The following MAN2A1 variants were observed in gnomAD, a reference collection of about 807,000 sequenced individuals.
MAN2A1 encodes alpha-mannosidase 2.
In MAN2A1, 76 loss-of-function variants were observed where a neutral mutation model predicts 142.6. The observed-to-expected ratio is 0.53, with a 90% CI of 0.44 to 0.65. MAN2A1 has a LOEUF of 0.65. Among genes scored for constraint, MAN2A1 ranks in the 30% least tolerant of loss-of-function variants. The pLI is 0.00. For missense variants in MAN2A1, 1,311 were observed against 1,365.1 expected (o/e 0.96, Z 0.62); for synonymous variants, 559 against 473.2 (o/e 1.18, Z -2.35).
At chr5:109,801,094 T>G (rs1442517731) in intron 12 of MAN2A1, among the ~76,000 whole-genome samples, 2 of 152,182 alleles carry the variant, frequency 1.3e-5, no homozygotes, top group African/African-American at 2.4e-5. Flanking sequence ...ACAGAAACCT[T>G]ATTACAATGG....
rs1382651989 is a variant in MAN2A1 at position 109,823,753 on chromosome 5, A to G, written c.2482A>G (p.Arg828Gly). The G allele has an allele frequency of 6.2e-7, 1 of 1,608,524 alleles. No individual in the cohort carries two copies. Among genetic ancestry groups the G allele is most frequent in the Non-Finnish European group, 8.5e-7 (1 of 1,177,120 alleles). Residue 828 changes from arginine to glycine, a missense_variant, in exon 16 of 22, where the codon AGA (arginine) becomes GGA (glycine). Physicochemically the swap from Arg to Gly is moderately radical, Grantham distance 125. Coordinates refer to ENST00000261483, the MANE Select transcript of MAN2A1 (RefSeq NM_002372.4). ...PYVYTTPPFVRVTHGRIYSEV... is the reference protein window; with the variant it reads ...PYVYTTPPFVGVTHGRIYSEV... ...TGTTTACACAACACCGCCCTTTGTC[A>G]GAGTGACACATGGAAGGATTTATTC...
chr5:109,763,765 G>A (rs899369109), intron 5 of MAN2A1, among the ~76,000 whole-genome samples: 2 of 150,896 alleles, frequency 1.3e-5, no homozygotes, highest in African/African-American at 4.9e-5. Context: ...GGCTATTAAT[G>A]TCTGCTTTTA....
intron 5 of MAN2A1, among the ~76,000 whole-genome samples, chr5:109,758,559 A>G (rs1752753387): frequency 1.3e-5 from 2 of 151,376 alleles, no homozygotes; most frequent in South Asian, 2.1e-4. Context: ...TTGATGCCAT[A>G]GTAAGAAACT....
At chr5:109,718,694 G>A (rs561739286) in intron 3 of MAN2A1, among the ~76,000 whole-genome samples, 6 of 152,196 alleles carry the variant, frequency 3.9e-5, no homozygotes, top group African/African-American at 1.4e-4. Flanking sequence ...ACGCCTCCAC[G>A]CTTGCAGGTC....
At chr5:109,746,483 T>C (rs1013357129) in intron 4 of MAN2A1, among the ~76,000 whole-genome samples, 1 of 152,114 alleles carries the variant, frequency 6.6e-6, no homozygotes, top group Non-Finnish European at 1.5e-5. Flanking sequence ...TTATTTATTT[T>C]ATGGATGTAT....
intron 3 of MAN2A1, among the ~76,000 whole-genome samples, chr5:109,721,343 A>G (rs956924290): frequency 6.6e-6 from 1 of 152,086 alleles, no homozygotes; most frequent in Non-Finnish European, 1.5e-5. Flanking sequence ...TAACACATTT[A>G]TCTGGACTTT....
intron 4 of MAN2A1, among the ~76,000 whole-genome samples, chr5:109,740,185 G>T (rs10039366): frequency 0.085 from 12,866 of 152,204 alleles, 636 homozygotes; most frequent in African/African-American, 0.15. Flanking sequence ...CGTCTCCTTA[G>T]TTCCTCTGTT....
intron 16 of MAN2A1, among the ~76,000 whole-genome samples, chr5:109,833,966 T>G (rs2112746563): frequency 6.6e-6 from 1 of 152,316 alleles, no homozygotes; most frequent in East Asian, 1.9e-4. Context: ...TGTTGAACTG[T>G]TTTTGTTCAG....
At chr5:109,750,399 A>AT (rs1382952048) in intron 4 of MAN2A1, among the ~76,000 whole-genome samples, 1 of 151,980 alleles carries the variant, frequency 6.6e-6, no homozygotes, top group East Asian at 1.9e-4. Context: ...TTGTGGATGG[A>AT]TTAGAGGGTA....
intron 4 of MAN2A1, among the ~76,000 whole-genome samples, chr5:109,731,517 C>T (rs933291482): frequency 9.6e-6 from 1 of 103,798 alleles, no homozygotes; most frequent in Non-Finnish European, 1.9e-5. Flanking sequence ...CCCCCTCCCC[C>T]AACCCCACAA....
At chr5:109,856,624 C>A (rs974829362) in intron 20 of MAN2A1, among the ~76,000 whole-genome samples, 1 of 152,186 alleles carries the variant, frequency 6.6e-6, no homozygotes, top group Non-Finnish European at 1.5e-5. Flanking sequence ...GACAGAATGG[C>A]CCCCTGGTTT....
At chr5:109,773,631 G>A (rs183666099) in intron 7 of MAN2A1, among the ~76,000 whole-genome samples, 159 of 152,086 alleles carry the variant, frequency 1.0e-3, no homozygotes, top group African/African-American at 2.2e-3. Context: ...ACATAAGGAC[G>A]CTGTGGTTAT....
At chr5:109,780,667 A>G (rs1753432674) in intron 8 of MAN2A1, among the ~76,000 whole-genome samples, 1 of 152,136 alleles carries the variant, frequency 6.6e-6, no homozygotes, top group Non-Finnish European at 1.5e-5. Flanking sequence ...AAGATTTGGT[A>G]TCGTGTTTCT....
At position 109,780,546 on chromosome 5, in the gene MAN2A1, G is replaced by GTGTGTGTGTA. The variant is rs1554078300; in HGVS notation, c.1375-847_1375-846insGTGTGTATGT. ...TGTGTGTGTGTGTGTGTGTGTGTGT[G>GTGTGTGTGTA]TGTATGTGTGTAGGAAACAACAAAA... On this transcript the variant is annotated intron_variant, in intron 8 of 21. Transcript: ENST00000261483. 2.9e-4 allele frequency among the ~76,000 whole-genome samples: 44 copies of GTGTGTGTGTA among 149,402 alleles called. 3 individuals carry two copies. The highest frequency in any genetic ancestry group is 1.0e-3 in the African/African-American group (40 of 40,026).
chr5:109,745,854 T>G (rs1029325967), intron 4 of MAN2A1, among the ~76,000 whole-genome samples: 1 of 152,228 alleles, frequency 6.6e-6, no homozygotes, highest in Admixed American at 6.5e-5. Context: ...TGGCCTGAGG[T>G]GATCCTCCTG....
intron 18 of MAN2A1, among the ~76,000 whole-genome samples, 189 bp from the exon 19 acceptor site, chr5:109,847,468 A>G (rs1031177247): frequency 1.3e-5 from 2 of 152,204 alleles, no homozygotes; most frequent in African/African-American, 4.8e-5. Flanking sequence ...TGTTTTATGA[A>G]TTTGTAGTAG....
chr5:109,726,906 T>G lies in MAN2A1; in HGVS notation c.536-2436T>G, dbSNP rs73217355. 9.9e-3 allele frequency among the ~76,000 whole-genome samples: 1,512 copies of G among 152,278 alleles called. 25 individuals are homozygous for G. Among genetic ancestry groups the G allele is most frequent in the Middle Eastern group, 0.037 (11 of 294 alleles). On this transcript the variant is annotated intron_variant, in intron 3 of 21. Transcript: ENST00000261483. ...AACCTTTAAATTTAGGTAAAAGATA[T>G]CATGTGATATCTTAAAGACGATAAT...
At chr5:109,831,505 AT>A (rs1242950826) in intron 16 of MAN2A1, among the ~76,000 whole-genome samples, 1 of 152,192 alleles carries the variant, frequency 6.6e-6, no homozygotes, top group African/African-American at 2.4e-5. Context: ...TCCCTTATAT[AT>A]TTTTTAATTG....
At position 109,729,368 on chromosome 5, in the gene MAN2A1, T is replaced by C. The variant is rs748297548; in HGVS notation, c.562T>C (p.Phe188Leu). Residue 188 changes from phenylalanine to leucine, a missense_variant, in exon 4 of 22, where the codon TTT becomes CTT. Phe to Leu is a conservative substitution (Grantham distance 22, BLOSUM62 0). This residue lies in a region of MAN2A1 where 409 missense variants were observed against 412.7 expected (regional missense o/e 0.99). Transcript: ENST00000261483. Reference sequence around the variant, plus strand: ...TTGGTTGAAGACTTTCAATGACTACTTTAGAGACAAGACTCAGTATATTTT... The same window carrying C: ...TTGGTTGAAGACTTTCAATGACTACCTTAGAGACAAGACTCAGTATATTTT... ...PGWLKTFNDY[F>L]RDKTQYIFNN... The C allele has an allele frequency of 1.2e-6, 2 of 1,605,762 alleles. No individual in the cohort carries two copies. Among genetic ancestry groups the C allele is most frequent in the Non-Finnish European group, 1.7e-6 (2 of 1,176,906 alleles).
Sources: gnomAD v4.1 joint callset for allele counts (sites outside exome capture counted in the v4.1 genomes callset) on GRCh38, gnomAD v4.1.1 for gene constraint, gnomAD v4.1.1 regional missense constraint, MANE v1.5 for transcripts, NCBI Gene and HGNC (gene_info 2026-07-23, HGNC 2026-07-21) for gene names.